The following ALG3 variants were observed in gnomAD, a reference collection of about 807,000 sequenced individuals.
The protein encoded by ALG3 is dol-P-Man:Man(5)GlcNAc(2)-PP-Dol alpha-1,3-mannosyltransferase.
Under a neutral mutation model 50.5 loss-of-function variants are expected in ALG3, and 39 were observed. The observed-to-expected ratio is 0.77, with a 90% CI of 0.60 to 1.01. ALG3 has a LOEUF of 1.01. ALG3 is among the 50% of genes least tolerant of loss of function. The pLI is 0.00. For synonymous variants in ALG3, 252 were observed against 237.2 expected, an observed-to-expected ratio of 1.06 and a Z score of -0.58; for missense variants, 520 against 554.8, an observed-to-expected ratio of 0.94 and a Z score of 0.63.
Position 184,245,756 on chromosome 3 carries a change from T to A in ALG3, c.253A>T (p.Thr85Ser), listed in dbSNP as rs1378585679. 6.2e-7 allele frequency: 1 copy of A among 1,613,868 alleles called. No homozygotes were observed. Among genetic ancestry groups the A allele is most frequent in the African/African-American group, 1.3e-5 (1 of 75,004 alleles). ...CCCTGCAGTTGGGTATAGTCATAGG[T>A]ACCATTGATGACGCCTTCTACCTCG... ...MAEVEGVING[T>S]YDYTQLQGDT... is the part of the protein sequence containing the mutation. Residue 85 changes from threonine to serine, a missense_variant, in exon 2 of 9, where the codon ACC becomes TCC. Around this residue, in one of 3 missense-constraint regions of ALG3, gnomAD observed 290 missense variants for 265.9 expected, o/e 1.09. Coordinates refer to ENST00000397676, the MANE Select transcript of ALG3 (RefSeq NM_005787.6).
chr3:184,249,019 C>A, upstream of ALG3: 1 of 1,538,832 alleles, frequency 6.5e-7, no homozygotes, highest in South Asian at 1.2e-5. Flanking sequence ...CTTCCCGTGC[C>A]TGGCGTCCCA....
In ALG3 at chr3:184,244,598, T is replaced by C. The variant is rs1577103536; in HGVS notation, c.726+3A>G. 3 of 1,606,814 alleles carry C rather than the reference T, an allele frequency of 1.9e-6. No individual in the cohort carries two copies. The highest frequency in any genetic ancestry group is 2.7e-5 in the African/African-American group (2 of 74,564). ...AGAAAGAGGAAGGGTGAGATGGGGG[T>C]ACCTGAAGGCCAGCACAGATTCCCA... On this transcript the variant is annotated splice_donor_region_variant and intron_variant, in intron 5 of 8. Transcript: ENST00000397676.
In ALG3 at chr3:184,244,591, A is replaced by T. The variant is rs1220943105; in HGVS notation, c.726+10T>A. On this transcript the variant is annotated intron_variant, in intron 5 of 8. Coordinates refer to ENST00000397676, the MANE Select transcript of ALG3 (RefSeq NM_005787.6). ...CTTGATTAGAAAGAGGAAGGGTGAGATGGGGGTACCTGAAGGCCAGCACAG... is the reference window on the plus strand; with the variant it reads ...CTTGATTAGAAAGAGGAAGGGTGAGTTGGGGGTACCTGAAGGCCAGCACAG... 6.2e-7 allele frequency: 1 copy of T among 1,606,762 alleles called. No individual in the cohort carries two copies. Among genetic ancestry groups the T allele is most frequent in the Non-Finnish European group, 8.5e-7 (1 of 1,176,782 alleles).
At chr3:184,245,913 C>G in intron 1 of ALG3, 101 bp from the exon 2 acceptor site, 1 of 895,278 alleles carries the variant, frequency 1.1e-6, no homozygotes, top group South Asian at 1.4e-5. Context: ...TCAGCCAATT[C>G]CCAGGGCTTT....
chr3:184,248,862 G>C lies in ALG3; in HGVS notation c.79C>G (p.Arg27Gly), dbSNP rs751710887. 19 of 1,606,682 alleles carry C rather than the reference G, an allele frequency of 1.2e-5. No individual in the cohort carries two copies. Among genetic ancestry groups the C allele is most frequent in the African/African-American group, 1.3e-5 (1 of 74,840 alleles). Reference sequence around the variant, plus strand: ...AGCAGGCGCCGCTCTTGCCAGGCGCGCTGCAGCCATTGCTTGCAGAGTCCC... The same window carrying C: ...AGCAGGCGCCGCTCTTGCCAGGCGCCCTGCAGCCATTGCTTGCAGAGTCCC... ...AEGLCKQWLQ[R>G]AWQERRLLLR... The change falls in exon 1 of 9, where the codon CGC (arginine) becomes GGC (glycine). Residue 27 changes from arginine (R) to glycine (G), a missense_variant. By Grantham distance (125) the Arg-to-Gly change is moderately radical. Transcript: ENST00000397676.
Position 184,245,240 on chromosome 3 carries a change from A to G in ALG3, c.563T>C (p.Leu188Pro), listed in dbSNP as rs757503323. 1 of 1,613,924 alleles carries G rather than the reference A, an allele frequency of 6.2e-7. No individual in the cohort carries two copies. The highest frequency in any genetic ancestry group is 8.5e-7 in the Non-Finnish European group (1 of 1,179,866). ...AMVLLFLSIN[L>P]LLAQRWGWGC... ...CCAGCCCCAGCGCTGGGCCAGCAGG[A>G]GGTTGATACTGAGGAAGAGCAGCAC... is the stretch of plus-strand genomic sequence containing the variant. The change falls in exon 4 of 9, where the codon CTC becomes CCC. Residue 188 changes from leucine (L) to proline (P), a missense_variant. Leu to Pro is a moderately conservative substitution (Grantham distance 98). Coordinates refer to ENST00000397676, the MANE Select transcript of ALG3 (RefSeq NM_005787.6).
rs1718825434 is a variant in ALG3, at chr3:184,242,356, C to T, written c.*158G>A. On this transcript the variant is annotated 3_prime_UTR_variant, in exon 9 of 9. Transcript: ENST00000397676. The stretch of plus-strand genomic sequence containing the variant: ...TGCTTGAGTGAATTCTTTATCTGCT[C>T]CATACGTGTCCCTCACAGCCTGGAC... 3 of 925,568 alleles carry T rather than the reference C, an allele frequency of 3.2e-6. No homozygotes were observed. The East Asian group carries it at 7.9e-5, about 24-fold the overall frequency. 57.3% of individuals were successfully genotyped at this position (925,568 alleles called of 1,614,324 possible).
At chr3:184,246,310 C>T (rs1189569214) in intron 1 of ALG3, among the ~76,000 whole-genome samples, 13 of 152,184 alleles carry the variant, frequency 8.5e-5, no homozygotes, top group African/African-American at 2.9e-4. Context: ...TTTTCCACCT[C>T]GTACACCAAA....
At chr3:184,249,239 G>T (rs199636998), upstream of ALG3, 84 of 1,612,386 alleles carry the variant, frequency 5.2e-5, no homozygotes, top group Non-Finnish European at 6.8e-5. Flanking sequence ...CCCCACAACC[G>T]CTGAAGCCAG....
Position 184,243,876 on chromosome 3 carries a change from G to A in ALG3, c.847C>T (p.Leu283Phe). The change falls in exon 6 of 9, where the codon CTC (leucine) becomes TTC (phenylalanine). Residue 283 changes from leucine to phenylalanine, a missense_variant. Physicochemically the swap from Leu to Phe is conservative, Grantham distance 22. Coordinates refer to ENST00000397676, the MANE Select transcript of ALG3 (RefSeq NM_005787.6). ...TVNWRFLPEALFLHRAFHLAL... is the reference protein window; with the variant it reads ...TVNWRFLPEAFFLHRAFHLAL... ...AGGTGGAAGGCTCGATGCAGGAAGA[G>A]CGCCTCTGGGAGGAAGCGCCAGTTC... is the stretch of plus-strand genomic sequence containing the variant. 1 of 1,614,046 alleles carries A rather than the reference G, an allele frequency of 6.2e-7. No individual in the cohort carries two copies. Among genetic ancestry groups the A allele is most frequent in the Non-Finnish European group, 8.5e-7 (1 of 1,179,898 alleles).
At chr3:184,248,655 G>A in intron 1 of ALG3, 90 bp downstream of exon 1, 1 of 1,203,972 alleles carries the variant, frequency 8.3e-7, no homozygotes. Context: ...TGGATACAGA[G>A]TCTGGTTTGG....
upstream of ALG3, chr3:184,249,231 C>T (rs1310720551): frequency 1.2e-6 from 2 of 1,612,888 alleles, no homozygotes; most frequent in Non-Finnish European, 8.5e-7. Flanking sequence ...CCTACCTCCC[C>T]CACAACCGCT....
Position 184,245,807 on chromosome 3 carries a change from CTG to C in ALG3, c.200_201del (p.Thr67ArgfsTer3). 1 of 1,612,394 alleles carries C rather than the reference CTG, an allele frequency of 6.2e-7. No homozygotes were observed. ...GCCATGTAGGCCTTCCAGTCAATCT[CTG>C]TGTCTGGAAGAAGACAAGATGATCT... ...TFWVIHRVAY[T>X]EIDWKAYMAE... On this transcript the variant is annotated frameshift_variant, in exon 2 of 9. Transcript: ENST00000397676. LOFTEE classifies it high-confidence loss of function.
rs1577101548 is a variant in ALG3, at chr3:184,243,176, C to G, written c.1010-219G>C. The G allele has an allele frequency of 2.5e-5, 16 of 639,642 alleles. No individual in the cohort carries two copies. In the East Asian group the frequency reaches 4.5e-4, roughly 18 times the overall value. 39.6% of individuals were successfully genotyped at this position (639,642 alleles called of 1,614,324 possible). A position where few individuals can be genotyped will look rare whatever the true frequency, so the allele number is the denominator to read the frequency against. On this transcript the variant is annotated intron_variant, in intron 7 of 8. Coordinates refer to ENST00000397676, the MANE Select transcript of ALG3 (RefSeq NM_005787.6). ...CCATAAGGTCTTGTGGGTTTGAACC[C>G]CTAACTTACTGGCTGTGTGACCTTG...
At chr3:184,246,506 T>C (rs1341962218) in intron 1 of ALG3, among the ~76,000 whole-genome samples, 1 of 152,166 alleles carries the variant, frequency 6.6e-6, no homozygotes, top group Non-Finnish European at 1.5e-5. Context: ...GGATTGAAGC[T>C]TGCAGGGTCC....
chr3:184,248,505 GC>G (rs916120677), intron 1 of ALG3, among the ~76,000 whole-genome samples: 3 of 152,182 alleles, frequency 2.0e-5, no homozygotes, highest in African/African-American at 4.8e-5. Context: ...AAGCTGGTTT[GC>G]AGGCTGTAAG....
intron 1 of ALG3, among the ~76,000 whole-genome samples, chr3:184,247,358 C>T (rs959916498): frequency 4.7e-5 from 7 of 150,076 alleles, no homozygotes; most frequent in African/African-American, 1.5e-4. Flanking sequence ...AGTACAGTGG[C>T]GCAATCTCGG....
chr3:184,246,891 G>C (rs191979126), intron 1 of ALG3, among the ~76,000 whole-genome samples: 3 of 151,744 alleles, frequency 2.0e-5, no homozygotes, highest in Non-Finnish European at 4.4e-5. Flanking sequence ...CACCGTGTTG[G>C]CCAGGCTGGT....
In ALG3 at chr3:184,248,928, GC is replaced by G; in HGVS notation, c.12del (p.Leu5CysfsTer74). MAA[G>X]LRKRGRSGSA... is the part of the protein sequence containing the mutation. ...GAACCGGACCGGCCGCGTTTCCGCA[GC>G]CCAGCCGCCATCTTAACGGTGCGCC... On this transcript the variant is annotated frameshift_variant, in exon 1 of 9. Coordinates refer to ENST00000397676, the MANE Select transcript of ALG3 (RefSeq NM_005787.6). LOFTEE classifies it high-confidence loss of function. 6.3e-7 allele frequency: 1 copy of G among 1,583,652 alleles called. No homozygotes were observed. Among genetic ancestry groups the G allele is most frequent in the South Asian group, 1.1e-5 (1 of 88,450 alleles).
Sources: gnomAD v4.1 joint callset for allele counts (sites outside exome capture counted in the v4.1 genomes callset) on GRCh38, gnomAD v4.1.1 for gene constraint, gnomAD v4.1.1 regional missense constraint, MANE v1.5 for transcripts, NCBI Gene and HGNC (gene_info 2026-07-23, HGNC 2026-07-21) for gene names.